The following NF1 variants were observed in gnomAD, a reference collection of about 807,000 sequenced individuals.
NF1 encodes neurofibromin.
NF1 carries 122 observed loss-of-function variants against 325.7 expected under a neutral mutation model. The ratio of observed to expected loss-of-function variants is 0.37; its 90% CI spans 0.32 to 0.44. The LOEUF (loss-of-function observed/expected upper bound fraction) is 0.44. NF1 is among the 20% of genes least tolerant of loss of function. The pLI, the probability that NF1 is intolerant of heterozygous loss-of-function variation, is 1.00. For synonymous variants in NF1, 1,091 were observed against 1,186.0 expected, an observed-to-expected ratio of 0.92 and a Z score of 1.65; for missense variants, 2,140 against 3,415.4, an observed-to-expected ratio of 0.63 and a Z score of 9.31.
intron 36 of NF1, among the ~76,000 whole-genome samples, chr17:31,284,495 G>A (rs997674061): frequency 6.6e-6 from 1 of 151,950 alleles, no homozygotes; most frequent in Admixed American, 6.6e-5. Flanking sequence ...ATTTTGGCCA[G>A]GCTGGTCTTG....
chr17:31,165,552 A>C lies in NF1; in HGVS notation c.479+2176A>C, dbSNP rs147258212. Among the ~76,000 whole-genome samples, 405 of 152,298 alleles carry C rather than the reference A, an allele frequency of 2.7e-3. 1 individual carries two copies. Among genetic ancestry groups the C allele is most frequent in the Middle Eastern group, 6.8e-3 (2 of 294 alleles). ...TCTAAAGATTGATCTTATGTTTTATATATAATAGATGAATCAGTATCATGA... is the reference window on the plus strand; with the variant it reads ...TCTAAAGATTGATCTTATGTTTTATCTATAATAGATGAATCAGTATCATGA... On this transcript the variant is annotated intron_variant, in intron 4 of 57. Transcript: ENST00000358273.
intron 30 of NF1, among the ~76,000 whole-genome samples, chr17:31,249,339 T>C (rs1407510144): frequency 6.6e-6 from 1 of 152,210 alleles, no homozygotes; most frequent in Non-Finnish European, 1.5e-5. Context: ...AAATACTAAA[T>C]TTTACTTGCA....
At chr17:31,209,133 T>TC (rs57070659) in intron 12 of NF1, among the ~76,000 whole-genome samples, 2,451 of 152,228 alleles carry the variant, frequency 0.016, 83 homozygotes, top group African/African-American at 0.056. Flanking sequence ...CCCCCAGCCC[T>TC]CCAAGTCATG....
At chr17:31,335,452 T>C (rs1447282813) in intron 40 of NF1, among the ~76,000 whole-genome samples, 2 of 149,946 alleles carry the variant, frequency 1.3e-5, no homozygotes, top group African/African-American at 4.9e-5. Flanking sequence ...ATTTGGGACA[T>C]CTGCTTTCAT....
intron 5 of NF1, among the ~76,000 whole-genome samples, chr17:31,181,044 G>T (rs907764306): frequency 6.6e-6 from 1 of 152,222 alleles, no homozygotes; most frequent in African/African-American, 2.4e-5. Context: ...TACAAGGGAT[G>T]TGAAGGACCT....
In NF1 at chr17:31,358,535, A is replaced by G. The variant is rs1555536902; in HGVS notation, c.8026A>G (p.Asn2676Asp). 1 of 1,613,988 alleles carries G rather than the reference A, an allele frequency of 6.2e-7. No individual in the cohort carries two copies. The highest frequency in any genetic ancestry group is 8.5e-7 in the Non-Finnish European group (1 of 1,179,940). Reference protein sequence around the residue: ...NTLLSLCQDPNLLNPIHGIVQ... With the variant: ...NTLLSLCQDPDLLNPIHGIVQ... ...CCTGTTATCATTGTGCCAAGATCCA[A>G]ATTTGTTAAATCCAATCCATGGAAT... is the stretch of plus-strand genomic sequence containing the variant. The change falls in exon 55 of 58, where the codon AAT becomes GAT. Residue 2676 changes from asparagine (N) to aspartate (D), a missense_variant. This residue lies in a region of NF1 where 522 missense variants were observed against 749.0 expected (regional missense o/e 0.70). Coordinates refer to ENST00000358273, the MANE Select transcript of NF1 (RefSeq NM_001042492.3).
chr17:31,128,926 C>A (rs1404799753), intron 1 of NF1, among the ~76,000 whole-genome samples: 52 of 140,490 alleles, frequency 3.7e-4, no homozygotes, highest in East Asian at 4.1e-4. Flanking sequence ...GACTCCGTCT[C>A]AAAAAAAAAA....
chr17:31,102,470 C>T (rs1050901433), intron 1 of NF1, among the ~76,000 whole-genome samples: 7 of 151,966 alleles, frequency 4.6e-5, no homozygotes, highest in South Asian at 4.1e-4. Flanking sequence ...AGGCCAGGTG[C>T]GGTAGCTGAT....
intron 36 of NF1, among the ~76,000 whole-genome samples, chr17:31,302,351 G>A (rs944399140): frequency 1.3e-5 from 2 of 152,138 alleles, no homozygotes; most frequent in Admixed American, 6.5e-5. Context: ...GGTAAAAAGG[G>A]GCAAAAATGT....
At chr17:31,102,549 G>A (rs1391339157) in intron 1 of NF1, among the ~76,000 whole-genome samples, 2 of 151,866 alleles carry the variant, frequency 1.3e-5, no homozygotes, top group Non-Finnish European at 2.9e-5. Context: ...TCAAGACCAG[G>A]CTGTGCAACA....
rs78809493 is a variant in NF1, at chr17:31,284,636, G to T, written c.4835+19297G>T. Among the ~76,000 whole-genome samples the T allele has an allele frequency of 5.6e-3, 853 of 151,646 alleles. 3 individuals carry two copies. The highest frequency in any genetic ancestry group is 0.019 in the African/African-American group (805 of 41,414). On this transcript the variant is annotated intron_variant, in intron 36 of 57. Transcript: ENST00000358273. Reference sequence around the variant, plus strand: ...GGGTTTCGCTATGTTGGCCAGGCTGGTCTCATAGAACTCCTGACCTCAGGT... The same window carrying T: ...GGGTTTCGCTATGTTGGCCAGGCTGTTCTCATAGAACTCCTGACCTCAGGT...
chr17:31,363,616 T>C (rs1316027925), intron 57 of NF1, among the ~76,000 whole-genome samples: 2 of 151,528 alleles, frequency 1.3e-5, no homozygotes. Context: ...TTTTGTATTT[T>C]TAGTAGAGAT....
At position 31,271,960 on chromosome 17, in the gene NF1, A is replaced by T. The variant is rs146051668; in HGVS notation, c.4835+6621A>T. Reference sequence around the variant, plus strand: ...ATTTCTTCTCTTACACCTTTAATATAAATATCTGAGTTTTGGTTCAGTTTT... The same window carrying T: ...ATTTCTTCTCTTACACCTTTAATATTAATATCTGAGTTTTGGTTCAGTTTT... On this transcript the variant is annotated intron_variant, in intron 36 of 57. Coordinates refer to ENST00000358273, the MANE Select transcript of NF1 (RefSeq NM_001042492.3). 542 of 152,104 alleles carry T rather than the reference A, an allele frequency of 3.6e-3. 6 individuals are homozygous for T. Among genetic ancestry groups the T allele is most frequent in the African/African-American group, 0.012 (515 of 41,472 alleles). The allele number at this position is 152,104 out of a possible 1,614,324, so 9.4% of individuals were successfully genotyped here. A position where few individuals can be genotyped will look rare whatever the true frequency, so the allele number is the denominator to read the frequency against.
intron 46 of NF1, among the ~76,000 whole-genome samples, chr17:31,340,100 A>T (rs1319745530): frequency 6.6e-6 from 1 of 152,214 alleles, no homozygotes; most frequent in Non-Finnish European, 1.5e-5. Context: ...TCCTGGTGGT[A>T]GTGTGCACAG....
In NF1 at chr17:31,227,510, G is replaced by C. The variant is rs770203564; in HGVS notation, c.2326-13G>C. The C allele has an allele frequency of 2.0e-5, 33 of 1,613,262 alleles. No individual in the cohort carries two copies. The South Asian group carries it at 3.4e-4, about 17-fold the overall frequency. On this transcript the variant is annotated splice_polypyrimidine_tract_variant and intron_variant, in intron 19 of 57. Transcript: ENST00000358273. ...ACTAAGTTGCTTTCAAGTGATAATT[G>C]CCTTCATTTTAGGCTTGGGAAGATA... is the stretch of plus-strand genomic sequence containing the variant.
chr17:31,357,139 G>A (rs2151582748), intron 53 of NF1, 49 bp downstream of exon 53: 1 of 1,611,250 alleles, frequency 6.2e-7, no homozygotes, highest in East Asian at 2.2e-5. Context: ...TTTTATTCCA[G>A]TCTACTTTTA....
chr17:31,357,591 T>A (rs2151583812), intron 54 of NF1: 1 of 575,834 alleles, frequency 1.7e-6, no homozygotes, highest in Middle Eastern at 4.6e-4. Flanking sequence ...GTTGATTTAT[T>A]TAAGTGGTTT....
intron 5 of NF1, among the ~76,000 whole-genome samples, chr17:31,175,388 C>T (rs2066004395): frequency 1.6e-5 from 2 of 121,646 alleles, no homozygotes; most frequent in Admixed American, 2.2e-4. Flanking sequence ...CTTGCTCTGT[C>T]GCTCAGGCTG....
chr17:31,322,080 GT>G (rs1383724902), intron 36 of NF1, among the ~76,000 whole-genome samples: 1 of 113,194 alleles, frequency 8.8e-6, no homozygotes, highest in Admixed American at 1.0e-4. Context: ...CTTTCGTGTG[GT>G]GTAGTGTGTG....
Sources: allele counts gnomAD v4.1 joint callset (sites outside exome capture counted in the v4.1 genomes callset), GRCh38; gene constraint gnomAD v4.1.1; regional missense constraint gnomAD v4.1.1; transcripts MANE v1.5; gene names NCBI Gene and HGNC (gene_info 2026-07-23, HGNC 2026-07-21).